The following HDAC5 variants were observed in gnomAD, a reference collection of about 807,000 sequenced individuals.
HDAC5 encodes histone deacetylase 5.
Under a neutral mutation model 133.3 loss-of-function variants are expected in HDAC5, and 25 were observed. The ratio of observed to expected loss-of-function variants is 0.19; its 90% CI spans 0.14 to 0.26. The LOEUF is 0.26. Among genes scored for constraint, HDAC5 ranks in the 10% least tolerant of loss-of-function variants. HDAC5 has a pLI of 1.00. For missense variants in HDAC5, 1,041 were observed against 1,460.5 expected (o/e 0.71, Z 4.68); for synonymous variants, 589 against 610.8 (o/e 0.96, Z 0.53).
In HDAC5 at chr17:44,080,928, C is replaced by A. The variant is rs201832848; in HGVS notation, c.2608-46G>T. 6 of 1,613,234 alleles carry A rather than the reference C, an allele frequency of 3.7e-6. No individual in the cohort carries two copies. In the African/African-American group the frequency reaches 8.0e-5, roughly 22 times the overall value. On this transcript the variant is annotated intron_variant, in intron 20 of 26. Transcript: ENST00000682912. The stretch of plus-strand genomic sequence containing the variant: ...ATCGGGAAAATGGCCCGCGCTCTGA[C>A]CCAATGGTCAAATTCCACCTGTCAG...
Position 44,085,172 on chromosome 17 carries a change from T to C in HDAC5, c.2051-17A>G, listed in dbSNP as rs750134553. 19 of 1,580,554 alleles carry C rather than the reference T, an allele frequency of 1.2e-5. No individual in the cohort carries two copies. The highest frequency in any genetic ancestry group is 1.6e-5 in the Non-Finnish European group (19 of 1,153,270). ...AGACCACACCTGGGCCACAGACCTA[T>C]GTGTCAGCCAGCACTGCTCTGGGCC... On this transcript the variant is annotated splice_polypyrimidine_tract_variant and intron_variant, in intron 14 of 26. Coordinates refer to ENST00000682912, the MANE Select transcript of HDAC5 (RefSeq NM_005474.5).
intron 2 of HDAC5, among the ~76,000 whole-genome samples, chr17:44,113,322 G>A (rs982818482): frequency 1.3e-5 from 2 of 152,166 alleles, no homozygotes; most frequent in East Asian, 3.9e-4. Flanking sequence ...CCCAGAGGTG[G>A]CTGGAGCCGG....
intron 3 of HDAC5, among the ~76,000 whole-genome samples, chr17:44,109,368 T>C (rs1047575849): frequency 2.0e-5 from 3 of 152,106 alleles, no homozygotes; most frequent in Non-Finnish European, 2.9e-5. Context: ...CAGGGACCTG[T>C]GTAGGGGGCC....
In HDAC5 at chr17:44,079,203, C is replaced by T; in HGVS notation, c.3019G>A (p.Asp1007Asn). The stretch of plus-strand genomic sequence containing the variant: ...GAGGCATCACAGATGGCGGTCAAGT[C>T]ATGGCCTCCCTCCAGGGCCAGCACC... ...RVVLALEGGH[D>N]LTAICDASEA... is the part of the protein sequence containing the mutation. The change falls in exon 24 of 27, where the codon GAC becomes AAC. Residue 1007 changes from aspartate to asparagine, a missense_variant. By Grantham distance (23) the Asp-to-Asn change is conservative. Around this residue, in one of 9 missense-constraint regions of HDAC5, gnomAD observed 174 missense variants for 352.7 expected, o/e 0.49. Coordinates refer to ENST00000682912, the MANE Select transcript of HDAC5 (RefSeq NM_005474.5). 1 of 1,613,138 alleles carries T rather than the reference C, an allele frequency of 6.2e-7. No homozygotes were observed. Among genetic ancestry groups the T allele is most frequent in the Non-Finnish European group, 8.5e-7 (1 of 1,179,206 alleles).
At chr17:44,080,047 C>T in intron 23 of HDAC5, 60 bp downstream of exon 23, 1 of 1,198,158 alleles carries the variant, frequency 8.3e-7, no homozygotes, top group Non-Finnish European at 1.2e-6. Context: ...TGCCCCATGC[C>T]TCACTGGACT....
chr17:44,121,132 G>T (rs905284055), intron 1 of HDAC5, among the ~76,000 whole-genome samples: 2 of 151,246 alleles, frequency 1.3e-5, no homozygotes, highest in Non-Finnish European at 3.0e-5. Context: ...AGAGAGGGGG[G>T]TGGTGAGAGG....
At position 44,080,598 on chromosome 17, in the gene HDAC5, CTGCTCTGCCT is replaced by C. The variant is rs2050345507; in HGVS notation, c.2728-110_2728-101del. On this transcript the variant is annotated intron_variant, in intron 21 of 26. Transcript: ENST00000682912. ...CCTCCAGATCTCACTCCACTGACCT[CTGCTCTGCCT>C]GGAGGGGCAGTCAGATCAGTGTGGT... 4.1e-6 allele frequency: 6 copies of C among 1,477,126 alleles called. 1 individual carries two copies. The allele number at this position is 1,477,126 out of a possible 1,614,324, so 91.5% of individuals were successfully genotyped here.
Position 44,092,813 on chromosome 17 carries a change from T to TGGGG in HDAC5, c.642-11_642-8dup, listed in dbSNP as rs67111880. 246 of 407,064 alleles carry TGGGG rather than the reference T, an allele frequency of 6.0e-4. No homozygotes were observed. Among genetic ancestry groups the TGGGG allele is most frequent in the African/African-American group, 6.4e-4 (24 of 37,480 alleles). The allele number at this position is 407,064 out of a possible 1,614,324, so 25.2% of individuals were successfully genotyped here. A position where few individuals can be genotyped will look rare whatever the true frequency, so the allele number is the denominator to read the frequency against. The stretch of plus-strand genomic sequence containing the variant: ...AGAAGCATGGTGGGCTCCCCTGGGG[T>TGGGG]GGGGGGGGGGTGGGGATGGAAGCAG... On this transcript the variant is annotated splice_region_variant and splice_polypyrimidine_tract_variant and intron_variant, in intron 6 of 26. Coordinates refer to ENST00000682912, the MANE Select transcript of HDAC5 (RefSeq NM_005474.5).
At chr17:44,093,547 G>A (rs1180156782) in intron 4 of HDAC5, 28 bp downstream of exon 4, 5 of 1,599,048 alleles carry the variant, frequency 3.1e-6, no homozygotes, top group Non-Finnish European at 3.4e-6. Context: ...CGGAGGTCTG[G>A]GCGGCCCCCC....
At chr17:44,091,547 G>T in intron 10 of HDAC5, 55 bp from the exon 11 acceptor site, 1 of 1,500,474 alleles carries the variant, frequency 6.7e-7, no homozygotes, top group South Asian at 1.3e-5. Context: ...CTTTGGACTA[G>T]CATCCCCATC....
intron 23 of HDAC5, 86 bp from the exon 24 acceptor site, chr17:44,079,363 C>T (rs1342318114): frequency 1.4e-6 from 2 of 1,407,138 alleles, no homozygotes; most frequent in Non-Finnish European, 1.9e-6. Flanking sequence ...GAAAAAAGGC[C>T]AGGCGCGGTG....
chr17:44,109,118 G>A lies in HDAC5; in HGVS notation c.94+1611C>T, dbSNP rs147803572. Among the ~76,000 whole-genome samples, 706 of 152,320 alleles carry A rather than the reference G, an allele frequency of 4.6e-3. 5 individuals carry two copies. Among genetic ancestry groups the A allele is most frequent in the African/African-American group, 0.016 (667 of 41,560 alleles). On this transcript the variant is annotated intron_variant, in intron 3 of 26. Transcript: ENST00000682912. Reference sequence around the variant, plus strand: ...TGAACAAGCTGAGGAGGAAACTTCCGGCCAACTGCTGGCTGCTGCTGGTAG... The same window carrying A: ...TGAACAAGCTGAGGAGGAAACTTCCAGCCAACTGCTGGCTGCTGCTGGTAG...
intron 2 of HDAC5, among the ~76,000 whole-genome samples, chr17:44,112,208 T>C (rs2052388513): frequency 6.6e-6 from 1 of 152,026 alleles, no homozygotes; most frequent in Non-Finnish European, 1.5e-5. Flanking sequence ...AGACTTGAGG[T>C]TGGAACCTCG....
Position 44,077,170 on chromosome 17 carries a change from C to G in HDAC5, c.*1206G>C, listed in dbSNP as rs1567973787. The G allele has an allele frequency of 6.6e-6, 1 of 152,658 alleles. No homozygotes were observed. The highest frequency in any genetic ancestry group is 2.4e-5 in the African/African-American group (1 of 41,404). The allele number at this position is 152,658 out of a possible 1,614,324, so 9.5% of individuals were successfully genotyped here. On this transcript the variant is annotated 3_prime_UTR_variant, in exon 27 of 27. Transcript: ENST00000682912. ...GAAGGAAGAGTCAGCCCCCTAGGAG[C>G]CACTTCCCATCTTTGGTTTCCTACA...
chr17:44,084,122 C>T (rs865822695), intron 16 of HDAC5, among the ~76,000 whole-genome samples: 2 of 138,766 alleles, frequency 1.4e-5, no homozygotes, highest in Admixed American at 7.3e-5. Context: ...AAGACTGTCT[C>T]AAAAAAAAAA....
At chr17:44,116,232 T>C (rs2052637748) in intron 2 of HDAC5, among the ~76,000 whole-genome samples, 2 of 152,274 alleles carry the variant, frequency 1.3e-5, no homozygotes, top group Admixed American at 1.3e-4. Context: ...CTGCCCGACA[T>C]GGCTGAGCTT....
At chr17:44,121,293 G>A in intron 1 of HDAC5, among the ~76,000 whole-genome samples, 1 of 151,934 alleles carries the variant, frequency 6.6e-6, no homozygotes, top group East Asian at 1.9e-4. Flanking sequence ...GGTGGGATAG[G>A]GAAGAAGAAA....
intron 1 of HDAC5, among the ~76,000 whole-genome samples, chr17:44,118,221 T>C (rs2143647205): frequency 6.6e-6 from 1 of 152,376 alleles, no homozygotes; most frequent in East Asian, 1.9e-4. Flanking sequence ...GATGTGCTTC[T>C]GTTTTGGTCT....
At chr17:44,095,911 T>C (rs1487950685) in intron 3 of HDAC5, among the ~76,000 whole-genome samples, 1 of 152,104 alleles carries the variant, frequency 6.6e-6, no homozygotes, top group East Asian at 1.9e-4. Context: ...GAGGGCCTGC[T>C]GGGTTCCAAG....
Sources: gnomAD v4.1 joint callset for allele counts (sites outside exome capture counted in the v4.1 genomes callset) on GRCh38, gnomAD v4.1.1 for gene constraint, gnomAD v4.1.1 regional missense constraint, MANE v1.5 for transcripts, NCBI Gene and HGNC (gene_info 2026-07-23, HGNC 2026-07-21) for gene names.